The following BRI3BP variants were observed in gnomAD, a reference collection of about 807,000 sequenced individuals.
BRI3BP encodes BRI3-binding protein.
BRI3BP carries 7 observed loss-of-function variants against 15.8 expected under a neutral mutation model. The observed-to-expected ratio is 0.44, with a 90% CI of 0.25 to 0.83. The LOEUF (loss-of-function observed/expected upper bound fraction) is 0.83. Ranked by LOEUF, BRI3BP falls within the 40% of genes least tolerant of loss-of-function variation. The pLI is 0.20. For missense variants in BRI3BP, 320 were observed against 339.3 expected, an observed-to-expected ratio of 0.94 and a Z score of 0.45; for synonymous variants, 192 against 163.5, an observed-to-expected ratio of 1.17 and a Z score of -1.33.
chr12:125,011,523 G>A (rs983941111), intron 1 of BRI3BP, among the ~76,000 whole-genome samples: 16 of 152,250 alleles, frequency 1.1e-4, no homozygotes, highest in African/African-American at 3.6e-4. Flanking sequence ...TGTTGCATGA[G>A]CAAAGCAGCT....
rs779246603 is a variant in BRI3BP, at chr12:125,025,137, G to A, written c.463G>A (p.Gly155Ser). 2 of 1,614,022 alleles carry A rather than the reference G, an allele frequency of 1.2e-6. No homozygotes were observed. Among genetic ancestry groups the A allele is most frequent in the Non-Finnish European group, 1.7e-6 (2 of 1,180,014 alleles). ...TTTCAGCGTCCTGCACGTGGTGTTC[G>A]GCCGCTTCTTCTGGATCGTGCGGGT... ...FTFSVLHVVF[G>S]RFFWIVRVVL... The change falls in exon 3 of 3, where the codon GGC becomes AGC. Residue 155 changes from glycine to serine, a missense_variant. By Grantham distance (56) the Gly-to-Ser change is moderately conservative. Transcript: ENST00000341446.
In BRI3BP at chr12:125,010,220, A is replaced by G. The variant is rs535713891; in HGVS notation, c.214-2314A>G. Among the ~76,000 whole-genome samples, 8 of 152,294 alleles carry G rather than the reference A, an allele frequency of 5.3e-5. No individual in the cohort carries two copies. The South Asian group carries it at 1.5e-3, about 28-fold the overall frequency. On this transcript the variant is annotated intron_variant, in intron 1 of 2. Coordinates refer to ENST00000341446, the MANE Select transcript of BRI3BP (RefSeq NM_080626.6). The stretch of plus-strand genomic sequence containing the variant: ...TGTAAAGCTCGCAATAACCAGATGA[A>G]GTAGGTACTGTTATCTCCATTGTTA...
the BRI3BP span, among the ~76,000 whole-genome samples, chr12:125,049,602 C>T: frequency 1.3e-5 from 2 of 152,146 alleles, no homozygotes; most frequent in African/African-American, 2.4e-5. Flanking sequence ...GCGCCCGGCA[C>T]TGGCCTTGGT....
intron 1 of BRI3BP, among the ~76,000 whole-genome samples, chr12:125,001,622 C>T (rs1219302011): frequency 3.3e-5 from 5 of 152,114 alleles, no homozygotes; most frequent in Admixed American, 6.6e-5. Context: ...GCGATCCTCC[C>T]GCCTTGGCCT....
chr12:125,019,953 C>CT (rs71092263), intron 2 of BRI3BP, among the ~76,000 whole-genome samples: 2,864 of 75,042 alleles, frequency 0.038, 106 homozygotes, highest in Non-Finnish European at 0.05. Context: ...CAACAACAGA[C>CT]TTTTTTTTTT....
chr12:125,005,384 G>A (rs577358557), intron 1 of BRI3BP, among the ~76,000 whole-genome samples: 1 of 152,268 alleles, frequency 6.6e-6, no homozygotes, highest in East Asian at 1.9e-4. Flanking sequence ...TCACCCCATA[G>A]CATCTCCACC....
intron 1 of BRI3BP, among the ~76,000 whole-genome samples, chr12:125,007,152 T>A (rs566546708): frequency 6.6e-6 from 1 of 151,830 alleles, no homozygotes; most frequent in South Asian, 2.1e-4. Flanking sequence ...TGAGCCGAGG[T>A]CGCACCACTG....
chr12:125,007,199 C>T (rs1055710854), intron 1 of BRI3BP, among the ~76,000 whole-genome samples: 8 of 148,702 alleles, frequency 5.4e-5, no homozygotes, highest in South Asian at 2.2e-4. Flanking sequence ...ACTCTGTCTC[C>T]GCCCCCCCCA....
the BRI3BP span, among the ~76,000 whole-genome samples, chr12:125,041,222 G>A: frequency 6.6e-6 from 1 of 151,258 alleles, no homozygotes; most frequent in Admixed American, 6.6e-5. Context: ...ATTTGTGTGT[G>A]TGTGTGTGTA....
intron 1 of BRI3BP, among the ~76,000 whole-genome samples, chr12:125,003,814 A>G (rs77043988): frequency 0.061 from 9,251 of 152,088 alleles, 417 homozygotes; most frequent in Admixed American, 0.14. Flanking sequence ...TTAGCTGGGC[A>G]TGGTGGCGCT....
At chr12:125,039,722 C>T in the BRI3BP span, among the ~76,000 whole-genome samples, 6 of 152,088 alleles carry the variant, frequency 3.9e-5, no homozygotes, top group South Asian at 6.2e-4. Flanking sequence ...ATTCATTCAT[C>T]TTTTCACTCA....
chr12:124,994,824 TTGCC>T (rs1328946492), intron 1 of BRI3BP, among the ~76,000 whole-genome samples: 4 of 152,218 alleles, frequency 2.6e-5, no homozygotes, highest in Non-Finnish European at 5.9e-5. Flanking sequence ...GGGCTCTTGC[TTGCC>T]GCCAGCCTTC....
rs58016016 is a variant in BRI3BP, at chr12:125,016,825, C to CTTT, written c.316+4214_316+4216dup. On this transcript the variant is annotated intron_variant, in intron 2 of 2. Transcript: ENST00000341446. ...ACGGGCATGAGCCACTGCGCCCAGC[C>CTTT]TTTTTTTTTTTTTTTTTTTTTTTTT... Among the ~76,000 whole-genome samples the CTTT allele has an allele frequency of 9.3e-3, 371 of 39,810 alleles. 58 individuals carry two copies. The highest frequency in any genetic ancestry group is 0.034 in the African/African-American group (343 of 10,230). 26.1% of individuals were successfully genotyped at this position (39,810 alleles called of 152,430 possible).
Position 124,993,899 on chromosome 12 carries a change from G to C in BRI3BP, c.109G>C (p.Gly37Arg). ...GGCCCCGGGCGCGCAGGGGGCGCGG[G>C]GCCGCGGCGGCGCGGAGAAGAACAG... ...LLAPGAQGAR[G>R]RGGAEKNSYR... is the part of the protein sequence containing the mutation. Residue 37 changes from glycine to arginine, a missense_variant, in exon 1 of 3, where the codon GGC becomes CGC. Gly to Arg is a moderately radical substitution (Grantham distance 125). Transcript: ENST00000341446. 7.9e-7 allele frequency: 1 copy of C among 1,270,038 alleles called. No homozygotes were observed. Among genetic ancestry groups the C allele is most frequent in the Non-Finnish European group, 1.0e-6 (1 of 1,000,654 alleles). 78.7% of individuals were successfully genotyped at this position (1,270,038 alleles called of 1,614,324 possible).
downstream of BRI3BP, among the ~76,000 whole-genome samples, chr12:125,032,980 A>G (rs1565909393): frequency 6.6e-6 from 1 of 152,074 alleles, no homozygotes; most frequent in Non-Finnish European, 1.5e-5. Context: ...CTGACCAGCT[A>G]CAGCCTCACC....
At chr12:125,000,374 C>T (rs1202661164) in intron 1 of BRI3BP, among the ~76,000 whole-genome samples, 2 of 141,190 alleles carry the variant, frequency 1.4e-5, no homozygotes, top group Admixed American at 1.5e-4. Context: ...AGTGCAGTGG[C>T]GCAATCTCGG....
the BRI3BP span, among the ~76,000 whole-genome samples, chr12:125,037,789 G>A: frequency 6.7e-6 from 1 of 149,354 alleles, no homozygotes; most frequent in East Asian, 2.0e-4. Flanking sequence ...TCCAGCCTGG[G>A]CAACAGAGCA....
intron 2 of BRI3BP, among the ~76,000 whole-genome samples, chr12:125,024,075 C>T (rs1369035989): frequency 6.6e-6 from 1 of 152,136 alleles, no homozygotes; most frequent in African/African-American, 2.4e-5. Flanking sequence ...ACCAAAAAAC[C>T]TGAGACTAGG....
At chr12:125,037,822 A>AG in the BRI3BP span, among the ~76,000 whole-genome samples, 1 of 151,964 alleles carries the variant, frequency 6.6e-6, no homozygotes, top group African/African-American at 2.4e-5. Flanking sequence ...AAAAAAAAAA[A>AG]AAAAGAAAAG....
Sources: allele counts gnomAD v4.1 joint callset (sites outside exome capture counted in the v4.1 genomes callset), GRCh38; gene constraint gnomAD v4.1.1; transcripts MANE v1.5; gene names NCBI Gene and HGNC (gene_info 2026-07-23, HGNC 2026-07-21).